The following SNTG1 variants were observed in gnomAD, a reference collection of about 807,000 sequenced individuals.
SNTG1 encodes gamma-1-syntrophin.
Under a neutral mutation model 74.7 loss-of-function variants are expected in SNTG1, and 39 were observed. The observed-to-expected ratio is 0.52, with a 90% confidence interval of 0.40 to 0.68. The LOEUF (loss-of-function observed/expected upper bound fraction) is 0.68. Ranked by LOEUF, SNTG1 falls within the 30% of genes least tolerant of loss-of-function variation. The pLI is 0.00. For missense variants in SNTG1, 685 were observed against 609.5 expected, an observed-to-expected ratio of 1.12 and a Z score of -1.30; for synonymous variants, 254 against 217.1, an observed-to-expected ratio of 1.17 and a Z score of -1.49.
chr8:49,934,998 T>C (rs1807927002), intron 1 of SNTG1, among the ~76,000 whole-genome samples: 1 of 152,010 alleles, frequency 6.6e-6, no homozygotes, highest in African/African-American at 2.4e-5. Flanking sequence ...AATAAATCAA[T>C]GCCAATGCTG....
intron 2 of SNTG1, among the ~76,000 whole-genome samples, chr8:50,325,069 C>A (rs376709445): frequency 5.2e-4 from 5 of 9,638 alleles, no homozygotes; most frequent in African/African-American, 5.7e-4. Flanking sequence ...ATAGACCCAC[C>A]AAATATATGC....
intron 1 of SNTG1, among the ~76,000 whole-genome samples, chr8:50,154,377 C>G (rs1387840583): frequency 1.3e-5 from 2 of 152,110 alleles, no homozygotes; most frequent in Non-Finnish European, 2.9e-5. Flanking sequence ...CTTGCACTTC[C>G]TGGGTAAGGC....
intron 1 of SNTG1, among the ~76,000 whole-genome samples, chr8:50,001,947 G>A (rs7845905): frequency 6.6e-6 from 1 of 152,114 alleles, no homozygotes; most frequent in African/African-American, 2.4e-5. Flanking sequence ...GCTTGTGGAA[G>A]GTGACCCAGA....
At chr8:50,014,138 C>T (rs1438263579) in intron 1 of SNTG1, among the ~76,000 whole-genome samples, 1 of 152,012 alleles carries the variant, frequency 6.6e-6, no homozygotes, top group African/African-American at 2.4e-5. Flanking sequence ...AGCTCAGTGG[C>T]ACAGTAGCCA....
chr8:50,177,478 A>G (rs939599890), intron 2 of SNTG1, among the ~76,000 whole-genome samples: 1 of 152,056 alleles, frequency 6.6e-6, no homozygotes, highest in Admixed American at 6.6e-5. Context: ...CTTCAACCTC[A>G]ACTATTCCCA....
chr8:49,918,132 G>C (rs1806208650), intron 1 of SNTG1, among the ~76,000 whole-genome samples: 1 of 152,006 alleles, frequency 6.6e-6, no homozygotes, highest in Non-Finnish European at 1.5e-5. Context: ...ATGAGACAAT[G>C]AACCACGACT....
chr8:50,507,903 C>T (rs2094022897), intron 9 of SNTG1, among the ~76,000 whole-genome samples: 1 of 144,152 alleles, frequency 6.9e-6, no homozygotes, highest in Non-Finnish European at 1.5e-5. Flanking sequence ...TCTCATTGTT[C>T]AATTCCCACC....
chr8:50,367,222 C>T (rs537024318), intron 2 of SNTG1, among the ~76,000 whole-genome samples: 1 of 151,770 alleles, frequency 6.6e-6, no homozygotes, highest in South Asian at 2.1e-4. Flanking sequence ...TCATTTCTTA[C>T]ATGTATTCTT....
intron 13 of SNTG1, among the ~76,000 whole-genome samples, chr8:50,628,502 T>G (rs2094972749): frequency 6.6e-6 from 1 of 152,166 alleles, no homozygotes; most frequent in South Asian, 2.1e-4. Context: ...AGAACTGTCA[T>G]GTTCTAGTCA....
intron 15 of SNTG1, among the ~76,000 whole-genome samples, chr8:50,660,443 G>T (rs1474695514): frequency 8.1e-6 from 1 of 123,916 alleles, no homozygotes; most frequent in Non-Finnish European, 1.6e-5. Context: ...GAAAGAAAGA[G>T]AAAAAAGAAA....
At position 50,364,621 on chromosome 8, in the gene SNTG1, C is replaced by A. The variant is rs115299578; in HGVS notation, c.-27-29591C>A. Among the ~76,000 whole-genome samples, 622 of 152,064 alleles carry A rather than the reference C, an allele frequency of 4.1e-3. 7 individuals carry two copies. The highest frequency in any genetic ancestry group is 0.014 in the African/African-American group (572 of 41,498). On this transcript the variant is annotated intron_variant, in intron 2 of 18. Coordinates refer to ENST00000642720, the MANE Select transcript of SNTG1 (RefSeq NM_018967.5). ...TAACACCATTGCATTAATTACAGCACCTCTCATTATTATATTGGCTGTAAA... is the reference window on the plus strand; with the variant it reads ...TAACACCATTGCATTAATTACAGCAACTCTCATTATTATATTGGCTGTAAA...
At chr8:49,917,690 A>G (rs1806166978) in intron 1 of SNTG1, among the ~76,000 whole-genome samples, 1 of 152,120 alleles carries the variant, frequency 6.6e-6, no homozygotes, top group Admixed American at 6.6e-5. Flanking sequence ...TATCCTCATC[A>G]CCACATAGTT....
chr8:50,178,400 C>CGT (rs1470996275), intron 2 of SNTG1, among the ~76,000 whole-genome samples: 1 of 151,028 alleles, frequency 6.6e-6, no homozygotes, highest in East Asian at 1.9e-4. Flanking sequence ...TCTTCACACA[C>CGT]GTGCGCGCGC....
At chr8:50,172,027 A>G (rs1171164866) in intron 1 of SNTG1, among the ~76,000 whole-genome samples, 1 of 152,226 alleles carries the variant, frequency 6.6e-6, no homozygotes, top group Non-Finnish European at 1.5e-5. Flanking sequence ...GCACCACTCT[A>G]GCCTCTAAAA....
At chr8:50,255,303 T>C (rs1249411274) in intron 2 of SNTG1, among the ~76,000 whole-genome samples, 1 of 152,206 alleles carries the variant, frequency 6.6e-6, no homozygotes, top group Non-Finnish European at 1.5e-5. Context: ...TTAACTCTAG[T>C]AAGTTCCTTT....
intron 2 of SNTG1, among the ~76,000 whole-genome samples, chr8:50,223,257 C>T (rs1326460509): frequency 1.3e-5 from 2 of 152,026 alleles, no homozygotes; most frequent in Non-Finnish European, 2.9e-5. Flanking sequence ...CTTGTAAATA[C>T]ATTAAAAACA....
chr8:50,364,950 A>G (rs761429731), intron 2 of SNTG1, among the ~76,000 whole-genome samples: 2 of 152,026 alleles, frequency 1.3e-5, no homozygotes, highest in African/African-American at 2.4e-5. Context: ...TTTTTGCAAA[A>G]CCATAACAAA....
At chr8:50,177,290 A>C (rs2083034734) in intron 2 of SNTG1, among the ~76,000 whole-genome samples, 1 of 152,098 alleles carries the variant, frequency 6.6e-6, no homozygotes, top group South Asian at 2.1e-4. Context: ...GACTTTCCAC[A>C]TCTGCTCAGT....
chr8:50,438,193 T>C (rs775952410), intron 4 of SNTG1, among the ~76,000 whole-genome samples: 1 of 152,140 alleles, frequency 6.6e-6, no homozygotes, highest in Admixed American at 6.6e-5. Flanking sequence ...TTATATAACC[T>C]AAAACTTATC....
Sources: gnomAD v4.1 joint callset for allele counts (sites outside exome capture counted in the v4.1 genomes callset) on GRCh38, gnomAD v4.1.1 for gene constraint, MANE v1.5 for transcripts, NCBI Gene and HGNC (gene_info 2026-07-23, HGNC 2026-07-21) for gene names.